DLGAP2: variants seen among roughly 807,000 people sequenced by gnomAD.
DLGAP2 encodes the protein DLG associated protein 2.
Under a neutral mutation model 100.3 loss-of-function variants are expected in DLGAP2, and 26 were observed. The observed-to-expected ratio is 0.26, with a 90% CI of 0.19 to 0.36. The LOEUF is 0.36. Among genes scored for constraint, DLGAP2 ranks in the 10% least tolerant of loss-of-function variants. DLGAP2 has a pLI of 1.00. For synonymous variants in DLGAP2, 886 were observed against 630.1 expected, an observed-to-expected ratio of 1.41 and a Z score of -6.08; for missense variants, 1,858 against 1,453.2, an observed-to-expected ratio of 1.28 and a Z score of -4.53.
At chr8:1,070,249 A>G (rs7015529) in intron 2 of DLGAP2, among the ~76,000 whole-genome samples, 64,590 of 151,668 alleles carry the variant, frequency 0.43, 14,369 homozygotes, top group African/African-American at 0.56. Flanking sequence ...GGAGAAGGAG[A>G]TCTTTTTTCA....
chr8:1,349,461 C>T (rs965988360), intron 3 of DLGAP2, among the ~76,000 whole-genome samples: 1 of 107,474 alleles, frequency 9.3e-6, no homozygotes, highest in Non-Finnish European at 2.1e-5. Context: ...CTCCTGCCCA[C>T]ATCCACTCAT....
At chr8:1,051,420 C>G (rs910525589) in intron 2 of DLGAP2, among the ~76,000 whole-genome samples, 4 of 152,092 alleles carry the variant, frequency 2.6e-5, no homozygotes, top group Admixed American at 2.6e-4. Flanking sequence ...CCCTCAGATG[C>G]AAAATGATCC....
intron 8 of DLGAP2, among the ~76,000 whole-genome samples, chr8:1,661,370 C>A (rs1321327767): frequency 6.6e-6 from 1 of 152,132 alleles, no homozygotes; most frequent in Non-Finnish European, 1.5e-5. Context: ...AGTAACATCA[C>A]TGTTGACAAA....
chr8:1,671,156 A>G (rs190045680), intron 10 of DLGAP2, among the ~76,000 whole-genome samples: 3 of 152,308 alleles, frequency 2.0e-5, no homozygotes. Context: ...GCAGCGGCCG[A>G]GACTGGAGCC....
chr8:1,045,902 C>G (rs576696553), intron 2 of DLGAP2, among the ~76,000 whole-genome samples: 2 of 152,138 alleles, frequency 1.3e-5, no homozygotes, highest in Admixed American at 6.5e-5. Flanking sequence ...AATGTTGACT[C>G]CCAGACCTGC....
intron 3 of DLGAP2, among the ~76,000 whole-genome samples, chr8:1,484,683 T>C (rs1444703780): frequency 6.6e-6 from 1 of 152,208 alleles, no homozygotes; most frequent in African/African-American, 2.4e-5. Context: ...GATAGAAAGA[T>C]ATTCATGTTG....
chr8:1,380,332 C>G (rs1227465634), intron 3 of DLGAP2: 1 of 152,194 alleles, frequency 6.6e-6, no homozygotes, highest in African/African-American at 2.4e-5. Context: ...CCGCAAATTA[C>G]CTGCACCTGG....
At chr8:1,437,246 G>A (rs1022980005) in intron 3 of DLGAP2, among the ~76,000 whole-genome samples, 25 of 151,788 alleles carry the variant, frequency 1.6e-4, no homozygotes, top group East Asian at 1.9e-4. Context: ...CAGCCCAGGC[G>A]CGTAAGGGTG....
intron 3 of DLGAP2, among the ~76,000 whole-genome samples, chr8:1,389,523 C>T (rs143200704): frequency 3.3e-5 from 5 of 152,188 alleles, no homozygotes; most frequent in African/African-American, 4.8e-5. Context: ...GAGGTGTGGA[C>T]GAGGCCGCTC....
intron 2 of DLGAP2, among the ~76,000 whole-genome samples, chr8:1,199,313 C>T (rs1797819316): frequency 6.6e-6 from 1 of 152,208 alleles, no homozygotes. Flanking sequence ...GCAGGTTGAG[C>T]TTCTCCCTGG....
chr8:1,042,716 G>C (rs1408729265), intron 2 of DLGAP2, among the ~76,000 whole-genome samples: 1 of 151,050 alleles, frequency 6.6e-6, no homozygotes, highest in Non-Finnish European at 1.5e-5. Flanking sequence ...TGGTGGGTGT[G>C]GGTGGTGGAT....
Position 1,563,159 on chromosome 8 carries a change from C to T in DLGAP2, c.1231-2524C>T, listed in dbSNP as rs868049903. 7.3e-3 allele frequency among the ~76,000 whole-genome samples: 333 copies of T among 45,660 alleles called. 9 individuals carry two copies. The highest frequency in any genetic ancestry group is 0.026 in the African/African-American group (294 of 11,124). 30.0% of individuals were successfully genotyped at this position (45,660 alleles called of 152,430 possible). The stretch of plus-strand genomic sequence containing the variant: ...GGACTGTGTGGTGTTGGGGTGTCCG[C>T]GCCTCGTTACTGGGGGGCTGTGTGG... On this transcript the variant is annotated intron_variant, in intron 5 of 14. Transcript: ENST00000637795.
chr8:1,287,656 G>GTGTT (rs1799969380), intron 3 of DLGAP2, among the ~76,000 whole-genome samples: 1 of 132,074 alleles, frequency 7.6e-6, no homozygotes, highest in East Asian at 2.3e-4. Context: ...GTGTGTGTGT[G>GTGTT]TGTATGGTTC....
chr8:824,500 G>A (rs886794833), intron 1 of DLGAP2, among the ~76,000 whole-genome samples: 1 of 152,178 alleles, frequency 6.6e-6, no homozygotes, highest in Non-Finnish European at 1.5e-5. Context: ...GCATGACACA[G>A]CAGTGTTACG....
intron 2 of DLGAP2, chr8:927,231 T>A (rs1276742141): frequency 1.0e-6 from 1 of 985,206 alleles, no homozygotes; most frequent in Non-Finnish European, 1.2e-6. Flanking sequence ...CATGATCCAT[T>A]ATGGGGGATT....
chr8:1,564,404 C>T (rs1390540990), intron 5 of DLGAP2, among the ~76,000 whole-genome samples: 3 of 152,298 alleles, frequency 2.0e-5, no homozygotes, highest in Admixed American at 2.0e-4. Context: ...CAGAGAGACA[C>T]GTAACGCAAA....
chr8:1,607,524 T>C (rs975277163), intron 6 of DLGAP2, among the ~76,000 whole-genome samples: 8 of 152,322 alleles, frequency 5.3e-5, no homozygotes, highest in African/African-American at 1.9e-4. Context: ...AAAATAAGAT[T>C]TTTAGAAAGA....
At chr8:1,005,200 C>A (rs1415256406) in intron 2 of DLGAP2, among the ~76,000 whole-genome samples, 1 of 152,098 alleles carries the variant, frequency 6.6e-6, no homozygotes, top group African/African-American at 2.4e-5. Context: ...AGTTTGGAGC[C>A]CTTTCTGTTT....
intron 12 of DLGAP2, among the ~76,000 whole-genome samples, chr8:1,687,333 G>C (rs1426475969): frequency 6.6e-6 from 1 of 152,160 alleles, no homozygotes; most frequent in Non-Finnish European, 1.5e-5. Context: ...GGAAGGCAAG[G>C]GTTCTAGCAG....
Sources: gnomAD v4.1 joint callset for allele counts (sites outside exome capture counted in the v4.1 genomes callset) on GRCh38, gnomAD v4.1.1 for gene constraint, MANE v1.5 for transcripts, NCBI Gene and HGNC (gene_info 2026-07-23, HGNC 2026-07-21) for gene names.